ZFX: variants seen among roughly 807,000 people sequenced by gnomAD.
ZFX encodes the protein zinc finger protein X-linked.
For synonymous variants in ZFX, 196 were observed against 226.8 expected, an observed-to-expected ratio of 0.86 and a Z score of 1.22; for missense variants, 362 against 628.3, an observed-to-expected ratio of 0.58 and a Z score of 4.53.
intron 4 of ZFX, among the ~76,000 whole-genome samples, chrX:24,175,790 G>T (rs1935072750): frequency 2.7e-5 from 3 of 110,618 alleles, no homozygotes; most frequent in Admixed American, 1.9e-4. Flanking sequence ...TGTTGACCAG[G>T]CTGGTCTTGA....
intron 4 of ZFX, among the ~76,000 whole-genome samples, chrX:24,177,351 A>C (rs1289200076): frequency 8.9e-6 from 1 of 112,358 alleles, no homozygotes; most frequent in Non-Finnish European, 1.9e-5. Flanking sequence ...GATCTTGGTT[A>C]AGTCATTTAA....
At chrX:24,156,660 C>CTTTT (rs767019753) in intron 3 of ZFX, among the ~76,000 whole-genome samples, 1 of 83,580 alleles carries the variant, frequency 1.2e-5, no homozygotes, top group Admixed American at 1.4e-4. Flanking sequence ...TAATAATAGC[C>CTTTT]TTTTTTTTTT....
intron 4 of ZFX, among the ~76,000 whole-genome samples, chrX:24,178,839 C>G (rs1935417435): frequency 2.7e-5 from 3 of 111,894 alleles, no homozygotes; most frequent in African/African-American, 6.5e-5. Flanking sequence ...CTTGGCTTCC[C>G]AAAGTGGTGG....
At chrX:24,169,593 T>A (rs868295148) in intron 3 of ZFX, among the ~76,000 whole-genome samples, 9 of 87,006 alleles carry the variant, frequency 1.0e-4, no homozygotes, top group East Asian at 3.6e-4. Context: ...AACTAGGAAT[T>A]AAAAAAAAAA....
chrX:24,172,476 T>C (rs1020342826), intron 3 of ZFX, among the ~76,000 whole-genome samples: 1 of 112,320 alleles, frequency 8.9e-6, no homozygotes, highest in Non-Finnish European at 1.9e-5. Flanking sequence ...CATTTATTGC[T>C]TCAACTTAAA....
At chrX:24,183,976 C>G (rs1215696230) in intron 5 of ZFX, among the ~76,000 whole-genome samples, 1 of 110,208 alleles carries the variant, frequency 9.1e-6, no homozygotes, top group East Asian at 2.8e-4. Context: ...AGGCTGATCT[C>G]GATCGAACTC....
intron 3 of ZFX, among the ~76,000 whole-genome samples, chrX:24,164,191 C>A (rs1238672975): frequency 9.0e-6 from 1 of 110,888 alleles, no homozygotes; most frequent in Non-Finnish European, 1.9e-5. Flanking sequence ...CTGGAGCATG[C>A]CTGTTGTTGG....
Position 24,210,190 on chromosome X carries a change from T to A in ZFX, c.1235-3T>A. On this transcript the variant is annotated splice_region_variant and splice_polypyrimidine_tract_variant and intron_variant, in intron 9 of 9. Transcript: ENST00000304543. ...CTCATACTCCTTTCTTTTCCTTTTT[T>A]AGCAATAATTATTGGCCCTGATGGA... 1 of 1,211,785 alleles carries A rather than the reference T, an allele frequency of 8.3e-7. No individual in the cohort carries two copies. The highest frequency in any genetic ancestry group is 1.1e-6 in the Non-Finnish European group (1 of 895,576).
chrX:24,210,189 T>A lies in ZFX; in HGVS notation c.1235-4T>A. The stretch of plus-strand genomic sequence containing the variant: ...ACTCATACTCCTTTCTTTTCCTTTT[T>A]TAGCAATAATTATTGGCCCTGATGG... On this transcript the variant is annotated splice_region_variant and splice_polypyrimidine_tract_variant and intron_variant, in intron 9 of 9. Coordinates refer to ENST00000304543, the MANE Select transcript of ZFX (RefSeq NM_003410.4). 1 of 1,211,708 alleles carries A rather than the reference T, an allele frequency of 8.3e-7. No individual in the cohort carries two copies. The highest frequency in any genetic ancestry group is 1.1e-6 in the Non-Finnish European group (1 of 895,549).
At chrX:24,194,451 AT>A (rs1161923498) in intron 5 of ZFX, among the ~76,000 whole-genome samples, 1 of 111,442 alleles carries the variant, frequency 9.0e-6, no homozygotes, top group African/African-American at 3.3e-5. Flanking sequence ...CATTAGGTTT[AT>A]TGGCATGTCT....
chrX:24,158,618 G>A (rs750602266), intron 3 of ZFX, among the ~76,000 whole-genome samples: 35 of 110,457 alleles, frequency 3.2e-4, no homozygotes, highest in Non-Finnish European at 6.1e-4. Context: ...TTTTTGAGAG[G>A]GGGTGCTGAT....
chrX:24,188,330 A>AT (rs1287055640), intron 5 of ZFX, among the ~76,000 whole-genome samples: 1 of 111,244 alleles, frequency 9.0e-6, no homozygotes, highest in Non-Finnish European at 1.9e-5. Context: ...TTTTAAGCAA[A>AT]TTCCACATAA....
At position 24,210,464 on chromosome X, in the gene ZFX, T is replaced by G. The variant is rs746224649; in HGVS notation, c.1506T>G (p.Ala502=). The change falls in exon 10 of 10, where the codon GCT becomes GCG. Residue 502 remains alanine, a synonymous_variant. Coordinates refer to ENST00000304543, the MANE Select transcript of ZFX (RefSeq NM_003410.4). The stretch of plus-strand genomic sequence containing the variant: ...GGAAGCATTTCTCTCATGCAGGGGC[T>G]TTGTTTACTCACAAAATGGTGCATA... ...ECGKHFSHAG[A]LFTHKMVHKE... is the part of the protein sequence containing the mutation. The G allele has an allele frequency of 8.3e-7, 1 of 1,211,821 alleles. No homozygotes were observed. Among genetic ancestry groups the G allele is most frequent in the African/African-American group, 1.7e-5 (1 of 57,774 alleles).
In ZFX at chrX:24,159,081, T is replaced by C. The variant is rs1042701338; in HGVS notation, c.-29+6251T>C. Among the ~76,000 whole-genome samples the C allele has an allele frequency of 4.6e-5, 5 of 108,058 alleles. No homozygotes were observed. The Admixed American group carries it at 5.0e-4, about 11-fold the overall frequency. 93.8% of individuals were successfully genotyped at this position (108,058 alleles called of 115,157 possible). On this transcript the variant is annotated intron_variant, in intron 3 of 9. Coordinates refer to ENST00000304543, the MANE Select transcript of ZFX (RefSeq NM_003410.4). Reference sequence around the variant, plus strand: ...GCATGGCTCACTGCAGTCTTGACCTTCTGGGCTCAAGCCATCCTCCCACCT... The same window carrying C: ...GCATGGCTCACTGCAGTCTTGACCTCCTGGGCTCAAGCCATCCTCCCACCT...
At chrX:24,160,041 CT>C (rs200980677) in intron 3 of ZFX, among the ~76,000 whole-genome samples, 3 of 110,108 alleles carry the variant, frequency 2.7e-5, no homozygotes, top group Non-Finnish European at 3.8e-5. Context: ...TAGTTTGTTC[CT>C]TTTTTTCTGA....
chrX:24,181,827 C>T lies in ZFX; in HGVS notation c.646+2057C>T, dbSNP rs375191362. 4.5e-5 allele frequency among the ~76,000 whole-genome samples: 5 copies of T among 111,597 alleles called. No individual in the cohort carries two copies. The East Asian group carries it at 1.4e-3, about 31-fold the overall frequency. On this transcript the variant is annotated intron_variant, in intron 5 of 9. Coordinates refer to ENST00000304543, the MANE Select transcript of ZFX (RefSeq NM_003410.4). ...TTCGCCATTCTGATAGGGAAAAATACGTTACCCTGTTTCAATTTTGAATTT... is the reference window on the plus strand; with the variant it reads ...TTCGCCATTCTGATAGGGAAAAATATGTTACCCTGTTTCAATTTTGAATTT...
intron 2 of ZFX, among the ~76,000 whole-genome samples, chrX:24,152,054 A>G (rs1190466369): frequency 9.0e-6 from 1 of 111,387 alleles, no homozygotes; most frequent in African/African-American, 3.3e-5. Flanking sequence ...GGGGTTTCTA[A>G]CATTTCATTT....
In ZFX at chrX:24,206,300, G is replaced by A. The variant is rs137912184; in HGVS notation, c.647-1026G>A. Among the ~76,000 whole-genome samples the A allele has an allele frequency of 5.3e-3, 590 of 112,032 alleles. 3 individuals are homozygous for A. The highest frequency in any genetic ancestry group is 0.017 in the African/African-American group (531 of 30,885). ...GATATTCAAGAATAGTGACCACGAAGTACTGCTTATAAAATATTTATATGA... is the reference window on the plus strand; with the variant it reads ...GATATTCAAGAATAGTGACCACGAAATACTGCTTATAAAATATTTATATGA... On this transcript the variant is annotated intron_variant, in intron 5 of 9. Coordinates refer to ENST00000304543, the MANE Select transcript of ZFX (RefSeq NM_003410.4).
chrX:24,204,402 T>G (rs189088749), intron 5 of ZFX, among the ~76,000 whole-genome samples: 39 of 112,170 alleles, frequency 3.5e-4, no homozygotes, highest in Non-Finnish European at 6.0e-4. Context: ...TTGGATCTGA[T>G]GGAGATCACG....
Sources: allele counts gnomAD v4.1 joint callset (sites outside exome capture counted in the v4.1 genomes callset), GRCh38; gene constraint gnomAD v4.1.1; transcripts MANE v1.5; gene names NCBI Gene and HGNC (gene_info 2026-07-23, HGNC 2026-07-21).